The following UBN2 variants were observed in gnomAD, a reference collection of about 807,000 sequenced individuals.
UBN2 encodes ubinuclein 2, also known as ubinuclein-2.
A neutral mutation model predicts 120.2 loss-of-function variants in UBN2; 35 were observed. The ratio of observed to expected loss-of-function variants is 0.29; its 90% CI spans 0.22 to 0.39. The LOEUF (loss-of-function observed/expected upper bound fraction) is 0.39, where lower values mean the gene tolerates loss of function less well. UBN2 is among the 10% of genes least tolerant of loss of function. The pLI is 1.00. For missense variants in UBN2, 1,693 were observed against 1,663.2 expected, an observed-to-expected ratio of 1.02 and a Z score of -0.31; for synonymous variants, 661 against 648.7, an observed-to-expected ratio of 1.02 and a Z score of -0.29.
chr7:139,297,803 A>G lies in UBN2; in HGVS notation c.4011A>G (p.Lys1337=), dbSNP rs1563231157. The change falls in exon 18 of 18, where the codon AAA becomes AAG. Residue 1337 remains lysine (K), a synonymous_variant. Transcript: ENST00000473989. ...QQAFHDGGQS[K]GDTKLPRKSQ is the part of the protein sequence containing the mutation. ...TTTTCTCAGATGGAGGCCAAAGTAA[A>G]GGGGACACTAAATTACCACGGAAAT... is the stretch of plus-strand genomic sequence containing the variant. 3.1e-6 allele frequency: 5 copies of G among 1,614,160 alleles called. 1 individual carries two copies. The highest frequency in any genetic ancestry group is 1.1e-5 in the South Asian group (1 of 91,086).
the UBN2 span, among the ~76,000 whole-genome samples, chr7:139,321,841 G>A: frequency 3.3e-5 from 5 of 152,166 alleles, no homozygotes; most frequent in East Asian, 3.9e-4. Context: ...CAGCAAGGCC[G>A]GAGGAGGCAG....
intron 2 of UBN2, 22 bp from the exon 3 acceptor site, chr7:139,251,934 C>A: frequency 6.2e-7 from 1 of 1,602,854 alleles, no homozygotes. Context: ...CCAAATCAGT[C>A]TAATGTATCT....
Position 139,283,630 on chromosome 7 carries a change from TCTC to T in UBN2, c.2726_2728del (p.Ser909_His910delinsTyr). 1 of 1,614,148 alleles carries T rather than the reference TCTC, an allele frequency of 6.2e-7. No individual in the cohort carries two copies. Among genetic ancestry groups the T allele is most frequent in the East Asian group, 2.2e-5 (1 of 44,878 alleles). On this transcript the variant is annotated inframe_deletion, in exon 15 of 18. Transcript: ENST00000473989. ...TTCCCAAGCCCAAATTGCTGCCTCT[TCTC>T]ATGCTCTGGGAACATCCGAGGCCCA... is the stretch of plus-strand genomic sequence containing the variant.
At chr7:139,296,906 A>G (rs1264434366) in intron 17 of UBN2, among the ~76,000 whole-genome samples, 1 of 152,090 alleles carries the variant, frequency 6.6e-6, no homozygotes, top group Non-Finnish European at 1.5e-5. Context: ...CTCTTAAAAA[A>G]AGAAAGAGCC....
At chr7:139,234,573 C>G (rs1322932579) in intron 1 of UBN2, among the ~76,000 whole-genome samples, 2 of 152,150 alleles carry the variant, frequency 1.3e-5, no homozygotes, top group Non-Finnish European at 2.9e-5. Flanking sequence ...AGGATGATGA[C>G]TGGCATTGGA....
At chr7:139,260,773 A>G (rs1796905833) in intron 5 of UBN2, among the ~76,000 whole-genome samples, 1 of 152,218 alleles carries the variant, frequency 6.6e-6, no homozygotes, top group Non-Finnish European at 1.5e-5. Flanking sequence ...TGTAGGCTAT[A>G]AGTAATCCCT....
rs1006731434 is a variant in UBN2, at chr7:139,299,171, C to T, written c.*1335C>T. 2 of 152,062 alleles carry T rather than the reference C, an allele frequency of 1.3e-5. No homozygotes were observed. The highest frequency in any genetic ancestry group is 2.9e-5 in the Non-Finnish European group (2 of 68,004). 9.4% of individuals were successfully genotyped at this position (152,062 alleles called of 1,614,324 possible). A position where few individuals can be genotyped will look rare whatever the true frequency, so the allele number is the denominator to read the frequency against. The stretch of plus-strand genomic sequence containing the variant: ...AAAAATTTATGGTTCTCCTTGGATA[C>T]ATTTGATTTGATGGGTTTTTTTGCC... On this transcript the variant is annotated 3_prime_UTR_variant, in exon 18 of 18. Transcript: ENST00000473989.
chr7:139,265,472 C>A (rs1311806636), intron 6 of UBN2, among the ~76,000 whole-genome samples: 2 of 151,502 alleles, frequency 1.3e-5, no homozygotes, highest in African/African-American at 4.9e-5. Context: ...AGTAAGACTC[C>A]GTCTCAAAAA....
intron 12 of UBN2, chr7:139,277,486 A>C (rs1338214045): frequency 3.3e-5 from 5 of 152,254 alleles, no homozygotes; most frequent in Non-Finnish European, 7.3e-5. Context: ...TGTTAAGAAA[A>C]TCATAAGGAA....
At chr7:139,238,624 G>A (rs1796226820) in intron 2 of UBN2, among the ~76,000 whole-genome samples, 1 of 152,082 alleles carries the variant, frequency 6.6e-6, no homozygotes, top group Admixed American at 6.6e-5. Flanking sequence ...GTTTCACCAT[G>A]TTGGCCCGGC....
At position 139,301,175 on chromosome 7, in the gene UBN2, G is replaced by A. The variant is rs1244385252; in HGVS notation, c.*3339G>A. Reference sequence around the variant, plus strand: ...GGGTTTATTGAATCAGGAAGGTAAGGGGAAGAACCGGGCACATATGTGTTG... The same window carrying A: ...GGGTTTATTGAATCAGGAAGGTAAGAGGAAGAACCGGGCACATATGTGTTG... On this transcript the variant is annotated 3_prime_UTR_variant, in exon 18 of 18. Transcript: ENST00000473989. 6.6e-6 allele frequency: 1 copy of A among 152,150 alleles called. No homozygotes were observed. The highest frequency in any genetic ancestry group is 2.4e-5 in the African/African-American group (1 of 41,426). The allele number at this position is 152,150 out of a possible 1,614,324, so 9.4% of individuals were successfully genotyped here.
intron 8 of UBN2, among the ~76,000 whole-genome samples, chr7:139,271,878 C>T (rs575755303): frequency 2.6e-5 from 4 of 152,280 alleles, no homozygotes; most frequent in South Asian, 2.1e-4. Flanking sequence ...AGGATACCAA[C>T]GTCCGGTTGG....
downstream of UBN2, among the ~76,000 whole-genome samples, chr7:139,309,460 GA>G (rs1229942357): frequency 7.9e-5 from 12 of 152,168 alleles, no homozygotes; most frequent in Admixed American, 1.3e-4. Flanking sequence ...GCCAAAACGA[GA>G]AAACCCTGTG....
intron 15 of UBN2, among the ~76,000 whole-genome samples, chr7:139,291,970 C>T (rs1797970792): frequency 6.6e-6 from 1 of 152,012 alleles, no homozygotes; most frequent in Non-Finnish European, 1.5e-5. Flanking sequence ...ATGTATTTGC[C>T]AGGCATTCTG....
At chr7:139,295,549 C>T (rs1324509691) in intron 17 of UBN2, among the ~76,000 whole-genome samples, 1 of 152,206 alleles carries the variant, frequency 6.6e-6, no homozygotes, top group Non-Finnish European at 1.5e-5. Flanking sequence ...TCAAATTTAT[C>T]TGTGCAGCAC....
rs28557304 is a variant in UBN2 at position 139,293,933 on chromosome 7, A to G, written c.3946A>G (p.Thr1316Ala). The change falls in exon 17 of 18, where the codon ACG becomes GCG. Residue 1316 changes from threonine (T) to alanine (A), a missense_variant. Around this residue, in one of 5 missense-constraint regions of UBN2, gnomAD observed 837 missense variants for 817.6 expected, o/e 1.02. Transcript: ENST00000473989. ...GCCAGGAGGAGCTCAGCATGCAGCA[A>G]CGCTTTCCCACTCACCTCTGCCTGC... Reference protein sequence around the residue: ...LQPGGAQHAATLSHSPLPAHL... With the variant: ...LQPGGAQHAAALSHSPLPAHL... The G allele has an allele frequency of 1.6e-3, 2,531 of 1,614,140 alleles. 42 individuals are homozygous for G. In the African/African-American group the frequency reaches 0.03, roughly 19 times the overall value.
intron 1 of UBN2, among the ~76,000 whole-genome samples, chr7:139,234,250 G>A (rs1796105162): frequency 6.6e-6 from 1 of 151,960 alleles, no homozygotes; most frequent in Non-Finnish European, 1.5e-5. Context: ...CACTAAATAA[G>A]ATTTTAGCTC....
intron 7 of UBN2, among the ~76,000 whole-genome samples, chr7:139,268,980 G>A (rs1326709303): frequency 6.6e-6 from 1 of 152,198 alleles, no homozygotes; most frequent in East Asian, 1.9e-4. Flanking sequence ...GCCAAGGCGG[G>A]TGGATCATCT....
intron 2 of UBN2, among the ~76,000 whole-genome samples, chr7:139,243,722 T>C (rs1363863318): frequency 6.6e-6 from 1 of 152,162 alleles, no homozygotes; most frequent in Admixed American, 6.5e-5. Context: ...AAGCAAACTG[T>C]ACCTAGAAAA....
Sources: allele counts gnomAD v4.1 joint callset (sites outside exome capture counted in the v4.1 genomes callset), GRCh38; gene constraint gnomAD v4.1.1; regional missense constraint gnomAD v4.1.1; transcripts MANE v1.5; gene names NCBI Gene and HGNC (gene_info 2026-07-23, HGNC 2026-07-21).